ROS1: variants seen among roughly 807,000 people sequenced by gnomAD.
ROS1 encodes the protein ROS proto-oncogene 1, receptor tyrosine kinase.
ROS1 carries 263 observed loss-of-function variants against 273.5 expected under a neutral mutation model. That is an observed-to-expected ratio of 0.96 (90% CI 0.87 to 1.06). ROS1 has a LOEUF of 1.06. ROS1 is among the 50% of genes least tolerant of loss of function. ROS1 has a pLI of 0.00. For missense variants in ROS1, 2,833 were observed against 2,751.1 expected (o/e 1.03, Z -0.67); for synonymous variants, 1,008 against 954.1 (o/e 1.06, Z -1.04).
intron 23 of ROS1, 73 bp from the exon 24 acceptor site, chr6:117,360,084 A>G: frequency 1.6e-6 from 2 of 1,260,686 alleles, no homozygotes; most frequent in Non-Finnish European, 2.2e-6. Context: ...TCGATTTAAT[A>G]TCTGGCAGTT....
chr6:117,409,061 T>C (rs919941375), intron 5 of ROS1, among the ~76,000 whole-genome samples: 2 of 90,958 alleles, frequency 2.2e-5, no homozygotes, highest in Non-Finnish European at 4.1e-5. Flanking sequence ...CCAGGGCCTG[T>C]TGTGGGGTGG....
At position 117,385,739 on chromosome 6, in the gene ROS1, C is replaced by T; in HGVS notation, c.2233G>A (p.Ala745Thr). 3 of 1,614,170 alleles carry T rather than the reference C, an allele frequency of 1.9e-6. No homozygotes were observed. ...YHLPSIAGAG[A>T]LAFEWLGHFL... ...TGACCCAGCCACTCAAAAGCTAAAG[C>T]CCCTGCTCCTGCAATGCTGGGTAGG... The change falls in exon 16 of 44, where the codon GCT becomes ACT. Residue 745 changes from alanine to threonine, a missense_variant. By Grantham distance (58) the Ala-to-Thr change is moderately conservative (BLOSUM62 0). Coordinates refer to ENST00000368507, the MANE Select transcript of ROS1 (RefSeq NM_001378902.1).
Position 117,389,729 on chromosome 6 carries a change from G to A in ROS1, c.1407C>T (p.Ile469=). 1 of 1,602,612 alleles carries A rather than the reference G, an allele frequency of 6.2e-7. No homozygotes were observed. Among genetic ancestry groups the A allele is most frequent in the East Asian group, 2.3e-5 (1 of 43,590 alleles). ...VESCTLKDFA[I]KPQAKRIIYF... ...AAATGATTCGCTTGGCTTGTGGCTT[G>A]ATTGCAAAGTCCTTTAACGTGCAAC... The change falls in exon 13 of 44, where the codon ATC becomes ATT. Residue 469 remains isoleucine (I), a synonymous_variant. Coordinates refer to ENST00000368507, the MANE Select transcript of ROS1 (RefSeq NM_001378902.1).
intron 43 of ROS1, among the ~76,000 whole-genome samples, chr6:117,291,955 CA>C (rs1279970437): frequency 6.6e-6 from 1 of 151,666 alleles, no homozygotes; most frequent in Non-Finnish European, 1.5e-5. Context: ...ACCTCTGTGA[CA>C]TTTTTTTTTT....
intron 29 of ROS1, among the ~76,000 whole-genome samples, chr6:117,342,097 T>C (rs991909450): frequency 1.3e-5 from 2 of 152,122 alleles, no homozygotes; most frequent in South Asian, 4.1e-4. Context: ...CAGAAACCTA[T>C]GAGTATCTGG....
At position 117,385,725 on chromosome 6, in the gene ROS1, C is replaced by T. The variant is rs767983453; in HGVS notation, c.2247G>A (p.Glu749=). Residue 749 remains glutamate (E), a synonymous_variant, in exon 16 of 44, where the codon GAG becomes GAA. Coordinates refer to ENST00000368507, the MANE Select transcript of ROS1 (RefSeq NM_001378902.1). The part of the protein sequence containing the change: ...SIAGAGALAF[E]WLGHFLYWAG... ...CCCAGTAGAGAAAGTGACCCAGCCA[C>T]TCAAAAGCTAAAGCCCCTGCTCCTG... 6.2e-7 allele frequency: 1 copy of T among 1,614,120 alleles called. No homozygotes were observed. The highest frequency in any genetic ancestry group is 1.1e-5 in the South Asian group (1 of 91,074).
chr6:117,409,288 A>G (rs1167158704), intron 5 of ROS1, among the ~76,000 whole-genome samples: 1 of 152,142 alleles, frequency 6.6e-6, no homozygotes, highest in African/African-American at 2.4e-5. Flanking sequence ...CAGGATGTAC[A>G]TTTGTCTGTC....
At chr6:117,307,944 G>A (rs1775235754) in intron 42 of ROS1, among the ~76,000 whole-genome samples, 1 of 152,100 alleles carries the variant, frequency 6.6e-6, no homozygotes, top group Non-Finnish European at 1.5e-5. Context: ...CTCTCTGTGG[G>A]TGTCTTTTCA....
chr6:117,346,656 T>A (rs553460972), intron 27 of ROS1, among the ~76,000 whole-genome samples: 1 of 151,986 alleles, frequency 6.6e-6, no homozygotes, highest in Admixed American at 6.6e-5. Context: ...TCCCAGATAC[T>A]CCTTTTCTCC....
intron 35 of ROS1, among the ~76,000 whole-genome samples, chr6:117,322,235 T>C (rs1392640437): frequency 6.6e-6 from 1 of 152,104 alleles, no homozygotes; most frequent in Non-Finnish European, 1.5e-5. Flanking sequence ...CACAAGTACC[T>C]TTTGCTAAAT....
At chr6:117,380,338 A>G (rs960958691) in intron 17 of ROS1, among the ~76,000 whole-genome samples, 7 of 152,152 alleles carry the variant, frequency 4.6e-5, no homozygotes, top group Non-Finnish European at 1.0e-4. Context: ...TATAAGGTAC[A>G]TGACGACAAA....
intron 21 of ROS1, among the ~76,000 whole-genome samples, chr6:117,364,688 T>C (rs537692966): frequency 2.6e-5 from 4 of 152,348 alleles, no homozygotes; most frequent in African/African-American, 9.6e-5. Context: ...TATCAGTTAT[T>C]CACCTACAGA....
chr6:117,300,144 G>T, intron 43 of ROS1, among the ~76,000 whole-genome samples: 1 of 130,560 alleles, frequency 7.7e-6, no homozygotes, highest in African/African-American at 2.8e-5. Context: ...GTAGAGATGG[G>T]GTTTCACTGT....
intron 39 of ROS1, among the ~76,000 whole-genome samples, chr6:117,312,834 A>T (rs993254989): frequency 2.0e-5 from 3 of 152,098 alleles, no homozygotes. Context: ...TTTGATCTCA[A>T]TCTATCCCTA....
intron 39 of ROS1, among the ~76,000 whole-genome samples, chr6:117,315,702 C>A (rs1775871093): frequency 6.6e-6 from 1 of 151,950 alleles, no homozygotes; most frequent in African/African-American, 2.4e-5. Context: ...TCTTCTAAAA[C>A]AAACAAAAAG....
intron 17 of ROS1, among the ~76,000 whole-genome samples, chr6:117,382,550 G>A (rs1430482262): frequency 6.6e-6 from 1 of 152,090 alleles, no homozygotes; most frequent in African/African-American, 2.4e-5. Context: ...GTTTTTCACA[G>A]TTGAAATATG....
At chr6:117,309,444 C>A (rs1485588618) in intron 41 of ROS1, among the ~76,000 whole-genome samples, 1 of 152,126 alleles carries the variant, frequency 6.6e-6, no homozygotes, top group East Asian at 1.9e-4. Context: ...GCATTTTCCT[C>A]CCAAGTTTGC....
At chr6:117,335,904 T>G (rs1777425700) in intron 32 of ROS1, among the ~76,000 whole-genome samples, 1 of 151,930 alleles carries the variant, frequency 6.6e-6, no homozygotes, top group Non-Finnish European at 1.5e-5. Flanking sequence ...CCATGGCACA[T>G]GTATACCTAT....
chr6:117,409,876 G>C (rs1486641802), intron 4 of ROS1, among the ~76,000 whole-genome samples: 1 of 152,032 alleles, frequency 6.6e-6, no homozygotes, highest in Non-Finnish European at 1.5e-5. Context: ...TTTTGACCAT[G>C]CTCCATAGCA....
Sources: gnomAD v4.1 joint callset for allele counts (sites outside exome capture counted in the v4.1 genomes callset) on GRCh38, gnomAD v4.1.1 for gene constraint, MANE v1.5 for transcripts, NCBI Gene and HGNC (gene_info 2026-07-23, HGNC 2026-07-21) for gene names.